Variants in RASGRF2 observed in about 807,000 individuals in gnomAD.
RASGRF2 encodes Ras protein specific guanine nucleotide releasing factor 2.
RASGRF2 carries 76 observed loss-of-function variants against 151.0 expected under a neutral mutation model. The observed-to-expected ratio is 0.50, with a 90% confidence interval of 0.42 to 0.61. The LOEUF is 0.61. Ranked by LOEUF, RASGRF2 falls within the 20% of genes least tolerant of loss-of-function variation. The pLI is 0.00. For missense variants in RASGRF2, 1,148 were observed against 1,564.6 expected, an observed-to-expected ratio of 0.73 and a Z score of 4.49; for synonymous variants, 504 against 566.5, an observed-to-expected ratio of 0.89 and a Z score of 1.57.
At chr5:80,990,218 GTTT>G (rs10558206) in intron 1 of RASGRF2, among the ~76,000 whole-genome samples, 259 of 137,992 alleles carry the variant, frequency 1.9e-3, no homozygotes, top group African/African-American at 7.0e-3. Context: ...ACTGCCAGAT[GTTT>G]TTTTTTTTTT....
At chr5:81,154,115 T>C (rs920205359) in intron 17 of RASGRF2, among the ~76,000 whole-genome samples, 2 of 152,158 alleles carry the variant, frequency 1.3e-5, no homozygotes, top group Non-Finnish European at 2.9e-5. Context: ...ATAATAATTG[T>C]TAACTTTAAT....
chr5:81,172,438 T>C (rs977536681), intron 17 of RASGRF2, among the ~76,000 whole-genome samples: 1 of 16,686 alleles, frequency 6.0e-5, no homozygotes, highest in Non-Finnish European at 1.1e-4. Flanking sequence ...GATGTGCGTG[T>C]GTGTGTGTGT....
intron 18 of RASGRF2, among the ~76,000 whole-genome samples, chr5:81,185,961 C>A (rs1755016703): frequency 6.6e-6 from 1 of 152,208 alleles, no homozygotes; most frequent in African/African-American, 2.4e-5. Context: ...TTTACTGGGA[C>A]TGGCAAGAAG....
At chr5:80,973,767 A>G (rs759219666) in intron 1 of RASGRF2, among the ~76,000 whole-genome samples, 17 of 152,158 alleles carry the variant, frequency 1.1e-4, no homozygotes, top group Non-Finnish European at 2.4e-4. Context: ...CTTTTTGGGG[A>G]TAGTACATTC....
chr5:81,079,643 T>G (rs1319558588), intron 5 of RASGRF2, among the ~76,000 whole-genome samples: 1 of 152,198 alleles, frequency 6.6e-6, no homozygotes, highest in African/African-American at 2.4e-5. Context: ...TCTTTTGCAT[T>G]TCTGTCTTGG....
At position 81,031,262 on chromosome 5, in the gene RASGRF2, A is replaced by T. The variant is rs891505145; in HGVS notation, c.289-11615A>T. Among the ~76,000 whole-genome samples, 8 of 152,198 alleles carry T rather than the reference A, an allele frequency of 5.3e-5. No individual in the cohort carries two copies. The South Asian group carries it at 6.2e-4, about 12-fold the overall frequency. The stretch of plus-strand genomic sequence containing the variant: ...TCAACGAGACAGAAAGTTAACAAGG[A>T]TATCCAGGAATTGAACTCAGCTCTG... On this transcript the variant is annotated intron_variant, in intron 1 of 26. Coordinates refer to ENST00000265080, the MANE Select transcript of RASGRF2 (RefSeq NM_006909.3).
chr5:81,003,482 C>A (rs978364756), intron 1 of RASGRF2, among the ~76,000 whole-genome samples: 4 of 152,080 alleles, frequency 2.6e-5, no homozygotes, highest in African/African-American at 9.7e-5. Context: ...CTTGGCCTCC[C>A]AAAGTGCTGG....
intron 5 of RASGRF2, among the ~76,000 whole-genome samples, chr5:81,078,254 G>A (rs547185737): frequency 6.6e-6 from 1 of 152,102 alleles, no homozygotes; most frequent in Non-Finnish European, 1.5e-5. Context: ...TTTGTGTTGG[G>A]AACAGTCTAA....
intron 1 of RASGRF2, among the ~76,000 whole-genome samples, chr5:81,041,638 G>A (rs520865): frequency 0.47 from 71,853 of 151,926 alleles, 17,489 homozygotes; most frequent in Middle Eastern, 0.67. Context: ...CATGAGTTTG[G>A]GAGTCTTTGA....
At chr5:81,149,719 C>T (rs1016257366) in intron 17 of RASGRF2, among the ~76,000 whole-genome samples, 11 of 152,120 alleles carry the variant, frequency 7.2e-5, no homozygotes, top group African/African-American at 2.7e-4. Context: ...CAAAGACTGG[C>T]TGCCCTGTCA....
At chr5:81,184,330 A>G (rs1157443120) in intron 18 of RASGRF2, among the ~76,000 whole-genome samples, 1 of 152,196 alleles carries the variant, frequency 6.6e-6, no homozygotes, top group Non-Finnish European at 1.5e-5. Context: ...GCTATTAACC[A>G]CATGTTCCCG....
At chr5:80,990,364 C>G (rs1285580893) in intron 1 of RASGRF2, among the ~76,000 whole-genome samples, 1 of 152,092 alleles carries the variant, frequency 6.6e-6, no homozygotes, top group Admixed American at 6.6e-5. Flanking sequence ...ATTTCATGTC[C>G]AACCCAGAGC....
At chr5:81,133,257 C>T (rs1283152585) in intron 17 of RASGRF2, among the ~76,000 whole-genome samples, 2 of 152,188 alleles carry the variant, frequency 1.3e-5, no homozygotes. Context: ...ACCCCGATTT[C>T]CTTTTCCAAT....
intron 1 of RASGRF2, among the ~76,000 whole-genome samples, chr5:80,963,091 G>A (rs1747615714): frequency 6.6e-6 from 1 of 152,222 alleles, no homozygotes; most frequent in African/African-American, 2.4e-5. Flanking sequence ...CCAACTGGGT[G>A]TGTTTGAATA....
At chr5:81,092,318 A>G (rs1752413568) in intron 9 of RASGRF2, among the ~76,000 whole-genome samples, 1 of 56,698 alleles carries the variant, frequency 1.8e-5, no homozygotes, top group Admixed American at 2.1e-4. Flanking sequence ...ATATACATGT[A>G]TTGTACATTC....
Position 81,123,725 on chromosome 5 carries a change from T to A in RASGRF2, c.2554T>A (p.Ser852Thr). 1 of 1,613,774 alleles carries A rather than the reference T, an allele frequency of 6.2e-7. No individual in the cohort carries two copies. Among genetic ancestry groups the A allele is most frequent in the Non-Finnish European group, 8.5e-7 (1 of 1,179,892 alleles). ...ADTTELSPCR[S>T]PSTPRHLRYR... ...CACCACAGAACTTTCACCTTGCAGA[T>A]CCCCCTCAACTCCTCGGCACCTCCG... The change falls in exon 16 of 27, where the codon TCC becomes ACC. Residue 852 changes from serine (S) to threonine (T), a missense_variant. Transcript: ENST00000265080.
chr5:81,213,489 A>G (rs1159036923), intron 23 of RASGRF2, among the ~76,000 whole-genome samples: 1 of 152,072 alleles, frequency 6.6e-6, no homozygotes, highest in Non-Finnish European at 1.5e-5. Flanking sequence ...TGGTGAGGGG[A>G]ATCTACAGAG....
intron 12 of RASGRF2, among the ~76,000 whole-genome samples, chr5:81,100,632 C>T (rs1227389898): frequency 6.6e-6 from 1 of 152,180 alleles, no homozygotes; most frequent in Non-Finnish European, 1.5e-5. Flanking sequence ...GTCTCAGTGT[C>T]ATACATAATG....
At position 80,960,989 on chromosome 5, in the gene RASGRF2, C is replaced by G. The variant is rs1290613434; in HGVS notation, c.251C>G (p.Ala84Gly). The change falls in exon 1 of 27, where the codon GCC (alanine) becomes GGC (glycine). Residue 84 changes from alanine (A) to glycine (G), a missense_variant. Physicochemically the swap from Ala to Gly is moderately conservative, Grantham distance 60 (BLOSUM62 0). Transcript: ENST00000265080. The surrounding 1 kb of genome is among the most constrained non-coding windows in gnomAD (Gnocchi z 5.5). Reference protein sequence around the residue: ...ERTPAPPRAGAGQGGVRDALD... With the variant: ...ERTPAPPRAGGGQGGVRDALD... ...ACGCCCGCGCCACCCAGGGCCGGCGCCGGGCAGGGAGGCGTCCGAGACGCG... is the reference window on the plus strand; with the variant it reads ...ACGCCCGCGCCACCCAGGGCCGGCGGCGGGCAGGGAGGCGTCCGAGACGCG... 1.3e-6 allele frequency: 2 copies of G among 1,544,412 alleles called. No homozygotes were observed.
Sources: gnomAD v4.1 joint callset for allele counts (sites outside exome capture counted in the v4.1 genomes callset) on GRCh38, gnomAD v4.1.1 for gene constraint, Gnocchi (gnomAD v3.1) non-coding constraint, MANE v1.5 for transcripts, NCBI Gene and HGNC (gene_info 2026-07-23, HGNC 2026-07-21) for gene names.